The following NRCAM variants were observed in gnomAD, a reference collection of about 807,000 sequenced individuals.
The protein encoded by NRCAM is neuronal cell adhesion molecule.
A neutral mutation model predicts 156.5 loss-of-function variants in NRCAM; 83 were observed. The ratio of observed to expected loss-of-function variants is 0.53; its 90% confidence interval spans 0.44 to 0.64. The LOEUF (loss-of-function observed/expected upper bound fraction) is 0.64. NRCAM is among the 30% of genes least tolerant of loss of function. The pLI is 0.00. For missense variants in NRCAM, 1,417 were observed against 1,597.3 expected, an observed-to-expected ratio of 0.89 and a Z score of 1.92; for synonymous variants, 538 against 563.9, an observed-to-expected ratio of 0.95 and a Z score of 0.65.
intron 2 of NRCAM, among the ~76,000 whole-genome samples, chr7:108,381,473 C>T (rs919631611): frequency 4.0e-5 from 6 of 151,662 alleles, no homozygotes; most frequent in South Asian, 2.1e-4. Context: ...GGGCAAATAG[C>T]GTTTCAAATT....
intron 2 of NRCAM, among the ~76,000 whole-genome samples, chr7:108,358,159 G>C (rs773475742): frequency 2.7e-5 from 4 of 150,246 alleles, no homozygotes; most frequent in Non-Finnish European, 5.9e-5. Flanking sequence ...TGTATTTCCA[G>C]TACTGTGAGA....
chr7:108,233,327 T>G (rs1055900221), intron 6 of NRCAM, among the ~76,000 whole-genome samples: 6 of 152,190 alleles, frequency 3.9e-5, no homozygotes, highest in African/African-American at 2.4e-5. Flanking sequence ...CCCTTCCCAC[T>G]GCTTATCTTT....
intron 27 of NRCAM, 121 bp downstream of exon 27, chr7:108,176,309 T>C (rs2060471998): frequency 4.9e-6 from 4 of 811,494 alleles, no homozygotes; most frequent in East Asian, 5.1e-5. Flanking sequence ...AAATTACAAA[T>C]AAGTGTTTGC....
chr7:108,434,692 T>C (rs6466233), intron 1 of NRCAM, among the ~76,000 whole-genome samples: 37,416 of 152,060 alleles, frequency 0.25, 4,927 homozygotes, highest in Non-Finnish European at 0.29. Context: ...GTGGAAGCCT[T>C]ATTGGCTGGA....
At chr7:108,191,626 C>A in intron 18 of NRCAM, 103 bp downstream of exon 18, 1 of 1,333,556 alleles carries the variant, frequency 7.5e-7, no homozygotes, top group Non-Finnish European at 1.0e-6. Flanking sequence ...CTCACCCATG[C>A]ATATTAACAA....
intron 17 of NRCAM, among the ~76,000 whole-genome samples, chr7:108,192,150 C>T (rs1057163869): frequency 2.0e-5 from 3 of 152,192 alleles, no homozygotes; most frequent in African/African-American, 7.2e-5. Flanking sequence ...CTGTTAGGAA[C>T]TGGGCTGCAG....
At chr7:108,203,139 C>A (rs939628949) in intron 13 of NRCAM, among the ~76,000 whole-genome samples, 1 of 152,216 alleles carries the variant, frequency 6.6e-6, no homozygotes, top group Non-Finnish European at 1.5e-5. Flanking sequence ...TTGCCCCATC[C>A]TGCCAATAGC....
intron 2 of NRCAM, among the ~76,000 whole-genome samples, chr7:108,359,370 AAC>A (rs1448175592): frequency 1.3e-5 from 2 of 152,346 alleles, no homozygotes; most frequent in East Asian, 3.9e-4. Context: ...CCATAAAAGA[AAC>A]ACAAAAGCTA....
intron 3 of NRCAM, among the ~76,000 whole-genome samples, chr7:108,255,810 G>C (rs540866821): frequency 2.9e-4 from 43 of 148,208 alleles, no homozygotes; most frequent in Middle Eastern, 3.8e-3. Context: ...GAGCGTCTCT[G>C]CCGGGCTGCC....
intron 5 of NRCAM, among the ~76,000 whole-genome samples, chr7:108,236,907 G>A (rs1252248649): frequency 3.3e-5 from 5 of 152,076 alleles, no homozygotes; most frequent in Non-Finnish European, 5.9e-5. Context: ...TGCAAATCTG[G>A]TGGCTTCAGA....
At chr7:108,294,862 G>A (rs1262779483) in intron 3 of NRCAM, among the ~76,000 whole-genome samples, 1 of 151,908 alleles carries the variant, frequency 6.6e-6, no homozygotes, top group Non-Finnish European at 1.5e-5. Flanking sequence ...CATCTCTGGT[G>A]CCAAGTTGTC....
chr7:108,396,007 G>A lies in NRCAM; in HGVS notation c.-174+3429C>T, dbSNP rs192408797. ...CCCAATGCAGCCAAGCGATACACAC[G>A]GCAAACACTTAGCAAATGCCAATGT... On this transcript the variant is annotated intron_variant, in intron 2 of 32. Coordinates refer to ENST00000379028, the MANE Select transcript of NRCAM (RefSeq NM_001037132.4). Among the ~76,000 whole-genome samples the A allele has an allele frequency of 4.2e-3, 632 of 152,166 alleles. 2 individuals are homozygous for A. The highest frequency in any genetic ancestry group is 7.3e-3 in the Non-Finnish European group (496 of 68,020).
At position 108,209,662 on chromosome 7, in the gene NRCAM, T is replaced by C. The variant is rs574630933; in HGVS notation, c.891-57A>G. Reference sequence around the variant, plus strand: ...AAAAGGAATCCACCTATGACTACTTTTGAGGATGAATTTTCATGCAACTTT... The same window carrying C: ...AAAAGGAATCCACCTATGACTACTTCTGAGGATGAATTTTCATGCAACTTT... On this transcript the variant is annotated intron_variant, in intron 11 of 32. Coordinates refer to ENST00000379028, the MANE Select transcript of NRCAM (RefSeq NM_001037132.4). The C allele has an allele frequency of 2.0e-4, 252 of 1,269,578 alleles. 1 individual carries two copies. The Middle Eastern group carries it at 3.2e-3, about 16-fold the overall frequency. The allele number at this position is 1,269,578 out of a possible 1,614,324, so 78.6% of individuals were successfully genotyped here. A position where few individuals can be genotyped will look rare whatever the true frequency, so the allele number is the denominator to read the frequency against.
Position 108,268,232 on chromosome 7 carries a change from A to AAAT in NRCAM, c.-106-28063_-106-28062insATT, listed in dbSNP as rs1234938914. Among the ~76,000 whole-genome samples, 3 of 152,342 alleles carry AAAT rather than the reference A, an allele frequency of 2.0e-5. No homozygotes were observed. The East Asian group carries it at 5.8e-4, about 29-fold the overall frequency. On this transcript the variant is annotated intron_variant, in intron 3 of 32. Transcript: ENST00000379028. ...TGTAGAATCATCACAAACAGAACTT[A>AAAT]AAATCACACTAGAAATAGATGCTAA...
chr7:108,346,939 C>T (rs1331892733), intron 2 of NRCAM, among the ~76,000 whole-genome samples: 1 of 149,558 alleles, frequency 6.7e-6, no homozygotes, highest in Non-Finnish European at 1.5e-5. Flanking sequence ...AAACAATAAA[C>T]ATTAAAATTA....
chr7:108,160,606 G>A (rs1228905846), intron 30 of NRCAM, 114 bp from the exon 31 acceptor site: 2 of 767,378 alleles, frequency 2.6e-6, no homozygotes, highest in African/African-American at 1.8e-5. Context: ...TATTTTACAT[G>A]TGGCCCCAAA....
intron 20 of NRCAM, 100 bp downstream of exon 20, chr7:108,189,545 C>T (rs2153428995): frequency 1.5e-6 from 1 of 680,002 alleles, no homozygotes; most frequent in Non-Finnish European, 2.6e-6. Flanking sequence ...AGCAGAGAAT[C>T]CCAGTAAATA....
chr7:108,414,367 AT>A (rs573870270), intron 1 of NRCAM, among the ~76,000 whole-genome samples: 254 of 152,060 alleles, frequency 1.7e-3, no homozygotes, highest in Non-Finnish European at 3.0e-3. Flanking sequence ...TTCCCTCACT[AT>A]TTTTGTCCTG....
intron 8 of NRCAM, among the ~76,000 whole-genome samples, chr7:108,230,571 C>T (rs962414161): frequency 3.9e-5 from 6 of 152,148 alleles, no homozygotes; most frequent in African/African-American, 1.4e-4. Context: ...TTCATTAGTT[C>T]ATTAGTCTGG....
Sources: gnomAD v4.1 joint callset for allele counts (sites outside exome capture counted in the v4.1 genomes callset) on GRCh38, gnomAD v4.1.1 for gene constraint, MANE v1.5 for transcripts, NCBI Gene and HGNC (gene_info 2026-07-23, HGNC 2026-07-21) for gene names.